The following AMOTL1 variants were observed in gnomAD, a reference collection of about 807,000 sequenced individuals.
AMOTL1 encodes angiomotin-like protein 1.
A neutral mutation model predicts 102.9 loss-of-function variants in AMOTL1; 45 were observed. That is an observed-to-expected ratio of 0.44 (90% CI 0.34 to 0.56). The LOEUF is 0.56. AMOTL1 is among the 20% of genes least tolerant of loss of function. The probability of loss-of-function intolerance (pLI) is 0.01; values close to 1 mark genes in which losing one functional copy is unlikely to be tolerated. For synonymous variants in AMOTL1, 481 were observed against 484.7 expected, an observed-to-expected ratio of 0.99 and a Z score of 0.10; for missense variants, 1,114 against 1,225.6, an observed-to-expected ratio of 0.91 and a Z score of 1.36.
In AMOTL1 at chr11:94,737,278, G is replaced by A. The variant is rs573257523; in HGVS notation, c.86-3660G>A. 8.5e-5 allele frequency among the ~76,000 whole-genome samples: 13 copies of A among 152,312 alleles called. No individual in the cohort carries two copies. The South Asian group carries it at 1.9e-3, about 22-fold the overall frequency. Reference sequence around the variant, plus strand: ...TAACCAGCCTTCAAGCCAACTCTTGGAATGCAAACTAAAAGTTGGAGACAA... The same window carrying A: ...TAACCAGCCTTCAAGCCAACTCTTGAAATGCAAACTAAAAGTTGGAGACAA... On this transcript the variant is annotated intron_variant, in intron 2 of 4. Transcript: ENST00000299004.
chr11:94,764,464 C>T (rs1026308489), upstream of AMOTL1, among the ~76,000 whole-genome samples: 1 of 152,178 alleles, frequency 6.6e-6, no homozygotes, highest in African/African-American at 2.4e-5. Context: ...AGGAGCAAAA[C>T]AAGCATTTTG....
intron 3 of AMOTL1, among the ~76,000 whole-genome samples, chr11:94,755,531 G>A (rs1950712253): frequency 6.6e-6 from 1 of 152,186 alleles, no homozygotes; most frequent in South Asian, 2.1e-4. Context: ...TTTCTTTATA[G>A]AGAGCTGAAA....
chr11:94,724,182 C>T (rs1031645507), intron 1 of AMOTL1, among the ~76,000 whole-genome samples: 5 of 152,092 alleles, frequency 3.3e-5, no homozygotes, highest in African/African-American at 4.8e-5. Flanking sequence ...AAGATTTACA[C>T]CCTCTACTTG....
intron 2 of AMOTL1, chr11:94,740,823 G>T: frequency 1.2e-6 from 1 of 810,956 alleles, no homozygotes; most frequent in Non-Finnish European, 1.8e-6. Flanking sequence ...GATTCTGAGC[G>T]CTGGGAGAGA....
chr11:94,794,784 A>G (rs1376200329), intron 1 of AMOTL1, among the ~76,000 whole-genome samples: 1 of 152,130 alleles, frequency 6.6e-6, no homozygotes, highest in East Asian at 1.9e-4. Context: ...GCCTTCACTC[A>G]GTGTGTCTTG....
intron 6 of AMOTL1, among the ~76,000 whole-genome samples, chr11:94,849,255 C>T (rs1304620669): frequency 6.6e-6 from 1 of 152,154 alleles, no homozygotes; most frequent in Non-Finnish European, 1.5e-5. Flanking sequence ...CAATCTCTTA[C>T]GTACTGTTTG....
rs1240700295 is a variant in AMOTL1 at position 94,864,835 on chromosome 11, A to C, written c.2236A>C (p.Arg746=). Residue 746 remains arginine, a synonymous_variant, in exon 10 of 13, where the codon AGA becomes CGA. Transcript: ENST00000433060. ...QEEEEVVQAN[R]RCQDMEYTIK... is the part of the protein sequence containing the mutation. ...GGAGGAGGAGGTGGTGCAGGCCAAC[A>C]GAAGGTGTCAGGACATGGAATACAC... is the stretch of plus-strand genomic sequence containing the variant. 1 of 1,613,790 alleles carries C rather than the reference A, an allele frequency of 6.2e-7. No homozygotes were observed. The highest frequency in any genetic ancestry group is 1.1e-5 in the South Asian group (1 of 91,048).
rs1277220265 is a variant in AMOTL1 at position 94,874,814 on chromosome 11, T to A, written c.*4019T>A. The A allele has an allele frequency of 6.6e-6, 1 of 152,186 alleles. No individual in the cohort carries two copies. Among genetic ancestry groups the A allele is most frequent in the African/African-American group, 2.4e-5 (1 of 41,440 alleles). 9.4% of individuals were successfully genotyped at this position (152,186 alleles called of 1,614,324 possible). A position where few individuals can be genotyped will look rare whatever the true frequency, so the allele number is the denominator to read the frequency against. ...GATAATAGATTGGGGCATTAAAAGCTTTTGAGGCAGGGGGCTCATGTTTTG... is the reference window on the plus strand; with the variant it reads ...GATAATAGATTGGGGCATTAAAAGCATTTGAGGCAGGGGGCTCATGTTTTG... On this transcript the variant is annotated 3_prime_UTR_variant, in exon 13 of 13. Transcript: ENST00000433060.
rs530647270 is a variant in AMOTL1, at chr11:94,742,265, G to T, written c.136+1277G>T. Among the ~76,000 whole-genome samples the T allele has an allele frequency of 1.7e-4, 26 of 152,336 alleles. 1 individual carries two copies. Among genetic ancestry groups the T allele is most frequent in the African/African-American group, 5.3e-4 (22 of 41,576 alleles). ...TGACATCTAAACCATAGCTTTTCAT[G>T]ATGTGATTTATTAAGAGGACAGGTA... On this transcript the variant is annotated intron_variant, in intron 3 of 4. Coordinates refer to the AMOTL1 transcript ENST00000299004.
At chr11:94,862,680 C>T (rs1952798405) in intron 9 of AMOTL1, among the ~76,000 whole-genome samples, 1 of 152,184 alleles carries the variant, frequency 6.6e-6, no homozygotes, top group Non-Finnish European at 1.5e-5. Flanking sequence ...TGTGTTTGCT[C>T]TCCTTACTTG....
At chr11:94,730,185 A>G (rs971621425) in intron 2 of AMOTL1, among the ~76,000 whole-genome samples, 1 of 152,070 alleles carries the variant, frequency 6.6e-6, no homozygotes, top group African/African-American at 2.4e-5. Context: ...AGTTCAACAC[A>G]CAGCCCTTCC....
chr11:94,862,531 G>A (rs1198543804), intron 9 of AMOTL1, among the ~76,000 whole-genome samples: 1 of 152,148 alleles, frequency 6.6e-6, no homozygotes, highest in Non-Finnish European at 1.5e-5. Context: ...GCATCTTGAT[G>A]GTGTTGGTCA....
chr11:94,790,739 G>T (rs1024628918), intron 1 of AMOTL1, among the ~76,000 whole-genome samples: 7 of 152,208 alleles, frequency 4.6e-5, no homozygotes, highest in Admixed American at 1.3e-4. Flanking sequence ...CTTCCTAGTT[G>T]TGTGTATTGT....
At chr11:94,748,973 C>A (rs1270380938) in intron 3 of AMOTL1, among the ~76,000 whole-genome samples, 1 of 152,150 alleles carries the variant, frequency 6.6e-6, no homozygotes, top group East Asian at 1.9e-4. Context: ...CTTCCTCTTC[C>A]AGCTTATGGG....
At chr11:94,840,654 G>GTATATATATATATATATATATA (rs551220386) in intron 6 of AMOTL1, among the ~76,000 whole-genome samples, 17 of 111,266 alleles carry the variant, frequency 1.5e-4, no homozygotes, top group African/African-American at 3.6e-4. Context: ...CTTAAAAAAC[G>GTATATATATATATATATATATA]TATATATATA....
intron 4 of AMOTL1, 84 bp downstream of exon 4, chr11:94,821,905 A>G: frequency 1.3e-6 from 2 of 1,532,090 alleles, no homozygotes; most frequent in East Asian, 2.3e-5. Flanking sequence ...ACTTGCCAAC[A>G]TTGCAGTAGA....
chr11:94,767,371 A>T (rs1000998857), upstream of AMOTL1, among the ~76,000 whole-genome samples: 3 of 152,210 alleles, frequency 2.0e-5, no homozygotes, highest in Non-Finnish European at 4.4e-5. Context: ...GCAACCCACC[A>T]GAACTGATGA....
intron 4 of AMOTL1, among the ~76,000 whole-genome samples, chr11:94,826,351 C>T (rs970434510): frequency 6.6e-6 from 1 of 152,160 alleles, no homozygotes; most frequent in African/African-American, 2.4e-5. Flanking sequence ...ATAACTCTGT[C>T]CTCTGTAATC....
intron 2 of AMOTL1, among the ~76,000 whole-genome samples, chr11:94,737,224 A>C (rs137989271): frequency 6.3e-4 from 96 of 152,362 alleles, no homozygotes; most frequent in African/African-American, 2.2e-3. Flanking sequence ...AACGCTCTTC[A>C]TAGGGGTAAA....
Sources: gnomAD v4.1 joint callset for allele counts (sites outside exome capture counted in the v4.1 genomes callset) on GRCh38, gnomAD v4.1.1 for gene constraint, MANE v1.5 for transcripts, NCBI Gene and HGNC (gene_info 2026-07-23, HGNC 2026-07-21) for gene names.